The following TCF12 variants were observed in gnomAD, a reference collection of about 807,000 sequenced individuals.
TCF12 encodes DNA-binding protein HTF4.
Under a neutral mutation model 86.0 loss-of-function variants are expected in TCF12, and 45 were observed. The observed-to-expected ratio is 0.52, with a 90% CI of 0.41 to 0.67. TCF12 has a LOEUF of 0.67. Among genes scored for constraint, TCF12 ranks in the 30% least tolerant of loss-of-function variants. The pLI is 0.00. For synonymous variants in TCF12, 330 were observed against 299.6 expected (o/e 1.10, Z -1.05); for missense variants, 881 against 859.9 (o/e 1.02, Z -0.31).
At chr15:57,013,670 A>G (rs2064977357) in intron 3 of TCF12, among the ~76,000 whole-genome samples, 1 of 152,192 alleles carries the variant, frequency 6.6e-6, no homozygotes. Context: ...CCGAGCCTGA[A>G]ACAGTGAAGT....
At chr15:57,047,298 A>G (rs1343625824) in intron 3 of TCF12, among the ~76,000 whole-genome samples, 1 of 152,200 alleles carries the variant, frequency 6.6e-6, no homozygotes, top group African/African-American at 2.4e-5. Flanking sequence ...AAATGGAGAG[A>G]TTTTAGCCCT....
Position 57,075,835 on chromosome 15 carries a change from T to TTTTCTTTCTTTC in TCF12, c.222+12029_222+12040dup, listed in dbSNP as rs143626916. Among the ~76,000 whole-genome samples the TTTTCTTTCTTTC allele has an allele frequency of 3.8e-3, 190 of 50,018 alleles. 14 individuals are homozygous for TTTTCTTTCTTTC. Among genetic ancestry groups the TTTTCTTTCTTTC allele is most frequent in the Admixed American group, 8.9e-3 (37 of 4,160 alleles). The allele number at this position is 50,018 out of a possible 152,430, so 32.8% of individuals were successfully genotyped here. On this transcript the variant is annotated intron_variant, in intron 4 of 20. Coordinates refer to ENST00000333725, the MANE Select transcript of TCF12 (RefSeq NM_207037.2). The stretch of plus-strand genomic sequence containing the variant: ...CTCTCTCTCTCTCTCTCTCTCTCTC[T>TTTTCTTTCTTTC]TTTCTTTCTTTCTTTCTTTCTTTCT...
chr15:57,256,743 G>C (rs1290230704), intron 16 of TCF12, among the ~76,000 whole-genome samples: 3 of 152,132 alleles, frequency 2.0e-5, no homozygotes, highest in Non-Finnish European at 4.4e-5. Context: ...TAGAATTCAT[G>C]AGGTCAGCTT....
chr15:57,185,132 T>C (rs1183963552), intron 6 of TCF12, among the ~76,000 whole-genome samples: 1 of 152,238 alleles, frequency 6.6e-6, no homozygotes, highest in Non-Finnish European at 1.5e-5. Context: ...AATTGTCTTC[T>C]CTCTACTTTC....
intron 2 of TCF12, 144 bp downstream of exon 2, chr15:56,920,132 T>G: frequency 1.2e-6 from 1 of 867,964 alleles, no homozygotes; most frequent in Non-Finnish European, 1.8e-6. Context: ...TAAGCAGTAG[T>G]TCTCAGGGCT....
At chr15:56,972,350 C>T (rs2062381752) in intron 3 of TCF12, among the ~76,000 whole-genome samples, 1 of 152,100 alleles carries the variant, frequency 6.6e-6, no homozygotes, top group African/African-American at 2.4e-5. Flanking sequence ...TTTGTAATTG[C>T]AAAATACAGT....
intron 3 of TCF12, among the ~76,000 whole-genome samples, chr15:56,993,242 G>T (rs571927554): frequency 6.6e-6 from 1 of 152,228 alleles, no homozygotes; most frequent in African/African-American, 2.4e-5. Context: ...TGAAAATTTT[G>T]TCATTTTTTT....
chr15:57,202,730 C>T lies in TCF12; in HGVS notation c.579+4905C>T, dbSNP rs555988094. Among the ~76,000 whole-genome samples, 5 of 150,294 alleles carry T rather than the reference C, an allele frequency of 3.3e-5. No individual in the cohort carries two copies. The South Asian group carries it at 8.5e-4, about 25-fold the overall frequency. Reference sequence around the variant, plus strand: ...GATTACAGGTGTGAGCCACCACACCCGGTCTGCCCTCAGCTTTTTATTTTG... The same window carrying T: ...GATTACAGGTGTGAGCCACCACACCTGGTCTGCCCTCAGCTTTTTATTTTG... On this transcript the variant is annotated intron_variant, in intron 8 of 20. Transcript: ENST00000333725.
intron 16 of TCF12, among the ~76,000 whole-genome samples, chr15:57,255,809 A>G (rs904783747): frequency 1.4e-4 from 22 of 152,186 alleles, no homozygotes; most frequent in Admixed American, 1.4e-3. Flanking sequence ...GAAAAAAAAA[A>G]TCTCAAATTA....
intron 4 of TCF12, among the ~76,000 whole-genome samples, chr15:57,086,047 T>G (rs2048601032): frequency 6.6e-6 from 1 of 152,022 alleles, no homozygotes; most frequent in East Asian, 1.9e-4. Context: ...ATTTTAAAGA[T>G]TTAGCAGCTA....
chr15:56,951,462 A>G (rs866518654), intron 3 of TCF12, among the ~76,000 whole-genome samples: 25 of 152,180 alleles, frequency 1.6e-4, no homozygotes, highest in African/African-American at 5.6e-4. Context: ...TACGAGATAC[A>G]TGGTTTACAG....
At chr15:57,231,621 A>G (rs1316585200) in intron 9 of TCF12, among the ~76,000 whole-genome samples, 4 of 152,316 alleles carry the variant, frequency 2.6e-5, no homozygotes, top group Middle Eastern at 3.4e-3. Flanking sequence ...CAATATAAAG[A>G]AAGAGTGAAT....
intron 4 of TCF12, among the ~76,000 whole-genome samples, chr15:57,081,133 A>T (rs1419148222): frequency 6.6e-6 from 1 of 152,152 alleles, no homozygotes; most frequent in Non-Finnish European, 1.5e-5. Flanking sequence ...CTGGGTAGTT[A>T]AATTTTGTTT....
At chr15:57,061,630 A>G (rs1445565962) in intron 3 of TCF12, among the ~76,000 whole-genome samples, 2 of 152,166 alleles carry the variant, frequency 1.3e-5, no homozygotes, top group Non-Finnish European at 1.5e-5. Context: ...TAAAATACAC[A>G]TAAGCCTCAT....
intron 3 of TCF12, among the ~76,000 whole-genome samples, chr15:56,939,441 A>G (rs531020343): frequency 4.6e-5 from 7 of 152,190 alleles, no homozygotes; most frequent in South Asian, 2.1e-4. Flanking sequence ...CCTGCTTTTG[A>G]TGAATATTGA....
intron 5 of TCF12, among the ~76,000 whole-genome samples, chr15:57,099,469 AAAAATT>A (rs1413987955): frequency 2.6e-5 from 4 of 152,130 alleles, no homozygotes; most frequent in Non-Finnish European, 4.4e-5. Flanking sequence ...AAAATATTTC[AAAAATT>A]AAAATTAAAA....
intron 3 of TCF12, among the ~76,000 whole-genome samples, chr15:57,010,092 T>G (rs2064729744): frequency 6.6e-6 from 1 of 152,142 alleles, no homozygotes; most frequent in Non-Finnish European, 1.5e-5. Context: ...TCTGCATAAC[T>G]GATTTTATTT....
chr15:56,922,266 G>C (rs1651795047), intron 3 of TCF12, among the ~76,000 whole-genome samples: 1 of 151,874 alleles, frequency 6.6e-6, no homozygotes, highest in Non-Finnish European at 1.5e-5. Flanking sequence ...CTAATACATA[G>C]TAGATGATGC....
chr15:57,219,700 A>G (rs953578747), intron 8 of TCF12: 9 of 761,506 alleles, frequency 1.2e-5, no homozygotes, highest in Non-Finnish European at 1.8e-5. Flanking sequence ...CTTTTATGCA[A>G]TGTATTAGAT....
Sources: allele counts gnomAD v4.1 joint callset (sites outside exome capture counted in the v4.1 genomes callset), GRCh38; gene constraint gnomAD v4.1.1; transcripts MANE v1.5; gene names NCBI Gene and HGNC (gene_info 2026-07-23, HGNC 2026-07-21).